PAM: variants seen among roughly 807,000 people sequenced by gnomAD.
PAM encodes peptidylglycine alpha-amidating monooxygenase.
Under a neutral mutation model 122.1 loss-of-function variants are expected in PAM, and 72 were observed. The ratio of observed to expected loss-of-function variants is 0.59; its 90% confidence interval spans 0.49 to 0.72. PAM has a LOEUF of 0.72. Ranked by LOEUF, PAM falls within the 30% of genes least tolerant of loss-of-function variation. PAM has a pLI of 0.00. For synonymous variants in PAM, 389 were observed against 404.4 expected, an observed-to-expected ratio of 0.96 and a Z score of 0.46; for missense variants, 1,106 against 1,183.7, an observed-to-expected ratio of 0.93 and a Z score of 0.96.
intron 18 of PAM, 118 bp downstream of exon 18, chr5:103,005,344 A>G: frequency 5.8e-6 from 4 of 683,772 alleles, no homozygotes; most frequent in Admixed American, 2.4e-5. Context: ...CCAGTAAGTT[A>G]TAACAAGAAA....
At chr5:102,870,365 G>A (rs1326135147) in intron 3 of PAM, among the ~76,000 whole-genome samples, 1 of 152,004 alleles carries the variant, frequency 6.6e-6, no homozygotes, top group Non-Finnish European at 1.5e-5. Context: ...TAGAACAGAG[G>A]TGGAAAGAAC....
intron 4 of PAM, among the ~76,000 whole-genome samples, chr5:102,908,720 T>TA (rs1457650246): frequency 6.8e-6 from 1 of 146,846 alleles, no homozygotes; most frequent in Non-Finnish European, 1.5e-5. Context: ...AGTATAATAA[T>TA]AAAAGAAAAA....
chr5:102,933,190 C>T (rs765876555), intron 7 of PAM, among the ~76,000 whole-genome samples: 2 of 152,150 alleles, frequency 1.3e-5, no homozygotes, highest in Non-Finnish European at 2.9e-5. Context: ...CATATAGGCA[C>T]CCTTCTTCCT....
At position 102,974,105 on chromosome 5, in the gene PAM, T is replaced by G; in HGVS notation, c.1163-11T>G. ...CCCTCCACGCCCTTATCTCTTCTCT[T>G]TTTTCCACAGGTGATTTCTATTCAC... On this transcript the variant is annotated splice_polypyrimidine_tract_variant and intron_variant, in intron 14 of 25. Coordinates refer to ENST00000438793, the MANE Select transcript of PAM (RefSeq NM_001177306.2). 1 of 1,603,180 alleles carries G rather than the reference T, an allele frequency of 6.2e-7. No individual in the cohort carries two copies. The highest frequency in any genetic ancestry group is 8.5e-7 in the Non-Finnish European group (1 of 1,172,170).
chr5:102,766,370 G>A (rs1753947469), intron 1 of PAM, among the ~76,000 whole-genome samples: 1 of 152,100 alleles, frequency 6.6e-6, no homozygotes, highest in Admixed American at 6.5e-5. Context: ...ACATCATCAG[G>A]CATTAGATTC....
chr5:103,019,718 T>C lies in PAM; in HGVS notation c.2432-72T>C, dbSNP rs1449457863. 6.2e-6 allele frequency: 6 copies of C among 969,344 alleles called. No individual in the cohort carries two copies. In the African/African-American group the frequency reaches 9.7e-5, roughly 16 times the overall value. 60.0% of individuals were successfully genotyped at this position (969,344 alleles called of 1,614,324 possible). On this transcript the variant is annotated intron_variant, in intron 22 of 25. Coordinates refer to ENST00000438793, the MANE Select transcript of PAM (RefSeq NM_001177306.2). ...AATATTTTCTACTGAGTAAAATTAA[T>C]ATCAAAGTTAAATTTTCAAATGTTC...
intron 1 of PAM, among the ~76,000 whole-genome samples, chr5:102,793,372 GA>G (rs71620669): frequency 7.4e-5 from 11 of 148,680 alleles, no homozygotes; most frequent in Middle Eastern, 3.4e-3. Context: ...AAAAAAAAAT[GA>G]AAAAAAAAAT....
intron 1 of PAM, among the ~76,000 whole-genome samples, chr5:102,806,061 C>A (rs249494): frequency 0.67 from 101,805 of 151,986 alleles, 34,361 homozygotes; most frequent in South Asian, 0.8. Context: ...TTTAAAAAAA[C>A]ATCTAACAAA....
chr5:102,798,434 G>A (rs914113514), intron 1 of PAM, among the ~76,000 whole-genome samples: 17 of 152,280 alleles, frequency 1.1e-4, no homozygotes, highest in African/African-American at 3.8e-4. Context: ...TTCAGCATGC[G>A]AAGGAGGTAT....
intron 13 of PAM, among the ~76,000 whole-genome samples, chr5:102,960,734 T>C (rs902374437): frequency 1.3e-4 from 19 of 151,824 alleles, no homozygotes; most frequent in African/African-American, 4.6e-4. Context: ...TATTTCTTTC[T>C]AGTGGAAATT....
intron 21 of PAM, among the ~76,000 whole-genome samples, chr5:103,013,967 A>T (rs1257796822): frequency 1.3e-5 from 2 of 152,228 alleles, no homozygotes; most frequent in Non-Finnish European, 2.9e-5. Flanking sequence ...AAAGCATAGC[A>T]ACCCTGCAGA....
At chr5:102,981,455 T>G (rs1769836422) in intron 15 of PAM, among the ~76,000 whole-genome samples, 1 of 152,222 alleles carries the variant, frequency 6.6e-6, no homozygotes, top group African/African-American at 2.4e-5. Context: ...AGCATTCTGC[T>G]ATGGGTGAAA....
At chr5:102,959,147 T>C (rs566493930) in intron 12 of PAM, among the ~76,000 whole-genome samples, 35 of 152,288 alleles carry the variant, frequency 2.3e-4, no homozygotes, top group African/African-American at 8.4e-4. Flanking sequence ...TTTTAAAATC[T>C]ATTTTTAACA....
At chr5:102,935,295 C>A (rs1752899628) in intron 7 of PAM, among the ~76,000 whole-genome samples, 1 of 151,500 alleles carries the variant, frequency 6.6e-6, no homozygotes, top group Admixed American at 6.6e-5. Context: ...AGAATTAGAT[C>A]ACATTTCCCA....
intron 3 of PAM, among the ~76,000 whole-genome samples, chr5:102,899,179 G>A (rs1016551596): frequency 4.6e-5 from 7 of 151,504 alleles, no homozygotes; most frequent in South Asian, 2.1e-4. Flanking sequence ...CAAGTTGTAA[G>A]CCAAAAAATA....
chr5:102,905,705 TATGTGTGTGTAC>T (rs1223994148), intron 4 of PAM, among the ~76,000 whole-genome samples: 24 of 151,640 alleles, frequency 1.6e-4, no homozygotes, highest in Non-Finnish European at 3.0e-4. Context: ...TATGTATGCA[TATGTGTGTGTAC>T]ATGTGTGTGA....
chr5:102,834,387 G>T (rs1776321833), intron 1 of PAM, among the ~76,000 whole-genome samples: 1 of 152,116 alleles, frequency 6.6e-6, no homozygotes, highest in Non-Finnish European at 1.5e-5. Context: ...CAGGCACTGT[G>T]CTAGGTACTG....
chr5:103,017,430 G>GTGAAAACCATACTCTCAGTC lies in PAM; in HGVS notation c.2428_2429insTGAAAACCATACTCTCAGTC (p.Glu810ValfsTer54). ...CACCGTGTGGAAGTTCACCTTGACT[G>GTGAAAACCATACTCTCAGTC]AGAGTATGGTTTTCACAGTATTATT... is the stretch of plus-strand genomic sequence containing the variant. On this transcript the variant is annotated frameshift_variant, in exon 22 of 26. Coordinates refer to ENST00000438793, the MANE Select transcript of PAM (RefSeq NM_001177306.2). LOFTEE classifies it high-confidence loss of function. 1 of 1,568,930 alleles carries GTGAAAACCATACTCTCAGTC rather than the reference G, an allele frequency of 6.4e-7. No individual in the cohort carries two copies. Among genetic ancestry groups the GTGAAAACCATACTCTCAGTC allele is most frequent in the Non-Finnish European group, 8.8e-7 (1 of 1,138,972 alleles).
Position 102,946,882 on chromosome 5 carries a change from T to A in PAM, c.572T>A (p.Leu191Gln). Residue 191 changes from leucine (L) to glutamine (Q), a missense_variant, in exon 8 of 26, where the codon CTG becomes CAG. Leu to Gln is a moderately radical substitution (Grantham distance 113, BLOSUM62 -2). Coordinates refer to ENST00000438793, the MANE Select transcript of PAM (RefSeq NM_001177306.2). ...GGTGTGTCCTTACACCTCACACGTC[T>A]GCCGTAAGTACTTCCATTTTTCCTA... is the stretch of plus-strand genomic sequence containing the variant. Reference protein sequence around the residue: ...CSGVSLHLTRLPQPLIAGMYL... With the variant: ...CSGVSLHLTRQPQPLIAGMYL... 1 of 1,598,274 alleles carries A rather than the reference T, an allele frequency of 6.3e-7. No homozygotes were observed. Among genetic ancestry groups the A allele is most frequent in the Non-Finnish European group, 8.6e-7 (1 of 1,166,394 alleles).
Sources: allele counts gnomAD v4.1 joint callset (sites outside exome capture counted in the v4.1 genomes callset), GRCh38; gene constraint gnomAD v4.1.1; transcripts MANE v1.5; gene names NCBI Gene and HGNC (gene_info 2026-07-23, HGNC 2026-07-21).